Variants in ADAM19 observed in about 807,000 individuals in gnomAD.
The protein encoded by ADAM19 is disintegrin and metalloproteinase domain-containing protein 19.
ADAM19 carries 65 observed loss-of-function variants against 114.7 expected under a neutral mutation model. The ratio of observed to expected loss-of-function variants is 0.57; its 90% confidence interval spans 0.46 to 0.70. The LOEUF is 0.70. ADAM19 is among the 30% of genes least tolerant of loss of function. The pLI is 0.00. For synonymous variants in ADAM19, 466 were observed against 460.5 expected, an observed-to-expected ratio of 1.01 and a Z score of -0.15; for missense variants, 1,063 against 1,204.7, an observed-to-expected ratio of 0.88 and a Z score of 1.74.
intron 2 of ADAM19, among the ~76,000 whole-genome samples, chr5:157,565,710 CAA>C (rs111680236): frequency 1.5e-4 from 16 of 103,684 alleles, no homozygotes; most frequent in East Asian, 2.7e-4. Context: ...CACTCTCTCT[CAA>C]AAAAAAAAAA....
intron 3 of ADAM19, among the ~76,000 whole-genome samples, chr5:157,546,728 G>A (rs776196641): frequency 6.6e-6 from 1 of 152,174 alleles, no homozygotes; most frequent in African/African-American, 2.4e-5. Flanking sequence ...TGATGCAAGA[G>A]GAGAAAACGT....
intron 5 of ADAM19, among the ~76,000 whole-genome samples, chr5:157,528,756 G>A (rs2113753305): frequency 6.6e-6 from 1 of 152,186 alleles, no homozygotes; most frequent in South Asian, 2.1e-4. Context: ...CGTAAGAGGA[G>A]GAAAAACCCT....
chr5:157,509,243 G>T, intron 9 of ADAM19, 58 bp downstream of exon 9: 2 of 1,512,280 alleles, frequency 1.3e-6, no homozygotes, highest in Non-Finnish European at 1.8e-6. Context: ...AGCATGTGCT[G>T]GGTGGGCAGA....
At position 157,493,119 on chromosome 5, in the gene ADAM19, T is replaced by C; in HGVS notation, c.1762A>G (p.Asn588Asp). 6.2e-7 allele frequency: 1 copy of C among 1,614,252 alleles called. No individual in the cohort carries two copies. The highest frequency in any genetic ancestry group is 8.5e-7 in the Non-Finnish European group (1 of 1,180,046). Residue 588 changes from asparagine to aspartate, a missense_variant, in exon 16 of 23, where the codon AAC becomes GAC. By Grantham distance (23) the Asn-to-Asp change is conservative (BLOSUM62 1). Coordinates refer to ENST00000257527, the MANE Select transcript of ADAM19 (RefSeq NM_033274.5). ...QSSEARPLES[N>D]AVPIDTTIIM... ...ATAGTGGTGTCAATGGGCACCGCGT[T>C]GGACTCCAGGGGCCGGGCCTCAGAG... is the stretch of plus-strand genomic sequence containing the variant.
At chr5:157,560,698 G>T (rs1174621495) in intron 3 of ADAM19, among the ~76,000 whole-genome samples, 1 of 152,198 alleles carries the variant, frequency 6.6e-6, no homozygotes, top group African/African-American at 2.4e-5. Context: ...TTGTGTCTGT[G>T]AGGATTCATG....
In ADAM19 at chr5:157,481,817, G is replaced by A. The variant is rs34145949; in HGVS notation, c.2677C>T (p.Arg893Trp). The change falls in exon 22 of 23, where the codon CGG becomes TGG. Residue 893 changes from arginine (R) to tryptophan (W), a missense_variant. Transcript: ENST00000257527. ...TTTGGGGCAAGTGCTGCCAGAGGCC[G>A]GGACTGCTGAGGGCCAGCACCAGGG... ...RPPGAGPQQS[R>W]PLAALAPKFP... 139 of 1,578,688 alleles carry A rather than the reference G, an allele frequency of 8.8e-5. No individual in the cohort carries two copies. Among genetic ancestry groups the A allele is most frequent in the African/African-American group, 8.5e-4 (63 of 74,506 alleles).
At position 157,519,150 on chromosome 5, in the gene ADAM19, CA is replaced by C. The variant is rs550692430; in HGVS notation, c.601-263del. Among the ~76,000 whole-genome samples the C allele has an allele frequency of 6.6e-5, 10 of 152,288 alleles. 1 individual carries two copies. The South Asian group carries it at 2.1e-3, about 32-fold the overall frequency. The stretch of plus-strand genomic sequence containing the variant: ...AAATACTGAGATGAGCTGATGAGCA[CA>C]GGCAGGACAGAGGCCAGCATATGAG... On this transcript the variant is annotated intron_variant, in intron 6 of 22. Coordinates refer to ENST00000257527, the MANE Select transcript of ADAM19 (RefSeq NM_033274.5).
At chr5:157,531,914 G>T (rs1756637124) in intron 4 of ADAM19, among the ~76,000 whole-genome samples, 1 of 152,270 alleles carries the variant, frequency 6.6e-6, no homozygotes, top group South Asian at 2.1e-4. Flanking sequence ...GGCTTGGAGG[G>T]AGTATGGCCC....
intron 6 of ADAM19, 105 bp downstream of exon 6, chr5:157,519,734 G>T: frequency 9.5e-7 from 1 of 1,050,234 alleles, no homozygotes. Context: ...TTTTTCTTAG[G>T]CATCACCTTC....
Position 157,502,847 on chromosome 5 carries a change from C to A in ADAM19, c.1264G>T (p.Gly422Trp). ...MLYGGRRCGN[G>W]YLEDGEECDC... ...CACTCTTCCCCATCTTCCAGATACC[C>A]GTTCCCACACCTCCGGCCTCCATAC... Residue 422 changes from glycine to tryptophan, a missense_variant, in exon 12 of 23, where the codon GGG (glycine) becomes TGG (tryptophan). Gly to Trp is a radical substitution (Grantham distance 184). This residue lies in a region of ADAM19 where 615 missense variants were observed against 706.3 expected (regional missense o/e 0.87). Transcript: ENST00000257527. The A allele has an allele frequency of 6.2e-7, 1 of 1,614,204 alleles. No individual in the cohort carries two copies. The highest frequency in any genetic ancestry group is 8.5e-7 in the Non-Finnish European group (1 of 1,180,028).
chr5:157,491,550 C>T, intron 18 of ADAM19, 65 bp downstream of exon 18: 1 of 1,170,274 alleles, frequency 8.5e-7, no homozygotes, highest in Non-Finnish European at 1.2e-6. Context: ...TGCAACATGC[C>T]ACCTGCCCCT....
intron 3 of ADAM19, among the ~76,000 whole-genome samples, chr5:157,553,903 T>C (rs1455023267): frequency 6.6e-6 from 1 of 152,184 alleles, no homozygotes; most frequent in African/African-American, 2.4e-5. Context: ...TACCATGCAT[T>C]TAAAAACTCT....
At chr5:157,520,453 C>A (rs891172960) in intron 5 of ADAM19, among the ~76,000 whole-genome samples, 3 of 152,164 alleles carry the variant, frequency 2.0e-5, no homozygotes, top group African/African-American at 7.2e-5. Context: ...TGGCATATGA[C>A]AAATCATGGG....
intron 2 of ADAM19, among the ~76,000 whole-genome samples, chr5:157,569,967 A>T (rs1757777336): frequency 6.6e-6 from 1 of 152,112 alleles, no homozygotes. Context: ...TGCTGGAAAA[A>T]CCAAAACCAC....
At chr5:157,507,624 T>C (rs1171675991) in intron 9 of ADAM19, among the ~76,000 whole-genome samples, 1 of 152,210 alleles carries the variant, frequency 6.6e-6, no homozygotes, top group Non-Finnish European at 1.5e-5. Flanking sequence ...GGGCAGCAGC[T>C]GTGGGGCCGA....
At chr5:157,555,269 T>C (rs551105742) in intron 3 of ADAM19, among the ~76,000 whole-genome samples, 10 of 152,204 alleles carry the variant, frequency 6.6e-5, no homozygotes, top group Non-Finnish European at 1.2e-4. Context: ...GTGAAGTAGA[T>C]GACCCATATA....
intron 3 of ADAM19, among the ~76,000 whole-genome samples, chr5:157,543,137 CCG>C (rs1756962599): frequency 6.6e-6 from 1 of 152,130 alleles, no homozygotes; most frequent in African/African-American, 2.4e-5. Flanking sequence ...TACACACACA[CCG>C]CCACACAAAT....
intron 19 of ADAM19, among the ~76,000 whole-genome samples, chr5:157,489,608 CTT>C (rs1377923926): frequency 6.6e-6 from 1 of 152,184 alleles, no homozygotes; most frequent in African/African-American, 2.4e-5. Context: ...TAATACATCA[CTT>C]TTCAAATGGG....
At chr5:157,527,346 G>A (rs543360683) in intron 5 of ADAM19, among the ~76,000 whole-genome samples, 1 of 152,260 alleles carries the variant, frequency 6.6e-6, no homozygotes, top group East Asian at 1.9e-4. Flanking sequence ...GAATAGCTGG[G>A]ACTACAGGTG....
Sources: gnomAD v4.1 joint callset for allele counts (sites outside exome capture counted in the v4.1 genomes callset) on GRCh38, gnomAD v4.1.1 for gene constraint, gnomAD v4.1.1 regional missense constraint, MANE v1.5 for transcripts, NCBI Gene and HGNC (gene_info 2026-07-23, HGNC 2026-07-21) for gene names.